Variants in ASIP observed in about 807,000 individuals in gnomAD.
The protein encoded by ASIP is agouti signaling protein, also known as agouti-signaling protein.
ASIP carries 11 observed loss-of-function variants against 10.3 expected under a neutral mutation model. That is an observed-to-expected ratio of 1.07 (90% CI 0.68 to 1.78). The LOEUF is 1.78. Ranked by LOEUF, ASIP falls within the 40% of genes most tolerant of loss-of-function variation. ASIP has a pLI of 0.00. For missense variants in ASIP, 180 were observed against 169.2 expected, an observed-to-expected ratio of 1.06 and a Z score of -0.35; for synonymous variants, 70 against 70.8, an observed-to-expected ratio of 0.99 and a Z score of 0.06.
rs375569949 is a variant in ASIP, at chr20:34,263,774, T to C, written c.222+881T>C. Among the ~76,000 whole-genome samples, 34 of 151,834 alleles carry C rather than the reference T, an allele frequency of 2.2e-4. No homozygotes were observed. The East Asian group carries it at 4.1e-3, about 18-fold the overall frequency. The stretch of plus-strand genomic sequence containing the variant: ...ACCTTCACCTGGCGAGTTCAAGCGA[T>C]TCTCATGCCTCAGCCTCCCGAGTAG... On this transcript the variant is annotated intron_variant, in intron 3 of 3. Coordinates refer to ENST00000374954, the MANE Select transcript of ASIP (RefSeq NM_001672.3).
intron 1 of ASIP, among the ~76,000 whole-genome samples, chr20:34,209,092 C>T (rs1568746928): frequency 6.6e-6 from 1 of 152,160 alleles, no homozygotes; most frequent in Non-Finnish European, 1.5e-5. Flanking sequence ...AATTTGGATG[C>T]CCTTTGTTTC....
At chr20:34,220,840 T>A (rs2035041610) in intron 1 of ASIP, among the ~76,000 whole-genome samples, 1 of 152,008 alleles carries the variant, frequency 6.6e-6, no homozygotes, top group African/African-American at 2.4e-5. Flanking sequence ...CCTGAACAAC[T>A]AAAGAGTGGT....
chr20:34,206,260 G>A (rs147866584), intron 1 of ASIP, among the ~76,000 whole-genome samples: 1 of 152,244 alleles, frequency 6.6e-6, no homozygotes, highest in East Asian at 1.9e-4. Context: ...GCCTCCCAAA[G>A]TCTGGGATTG....
chr20:34,214,417 G>A (rs1056155971), intron 1 of ASIP: 12 of 1,468,132 alleles, frequency 8.2e-6, no homozygotes, highest in Admixed American at 3.3e-5. Context: ...ACCAGAGTTC[G>A]CATCATACCC....
At chr20:34,202,965 C>T (rs1019601807) in intron 1 of ASIP, among the ~76,000 whole-genome samples, 27 of 151,900 alleles carry the variant, frequency 1.8e-4, no homozygotes, top group African/African-American at 4.6e-4. Context: ...CCCGCCACTA[C>T]GCCCGGCTAA....
intron 1 of ASIP, among the ~76,000 whole-genome samples, chr20:34,216,356 C>A (rs535923199): frequency 6.6e-6 from 1 of 152,212 alleles, no homozygotes; most frequent in South Asian, 2.1e-4. Context: ...GTGCGGGCGG[C>A]AGCCCGCGGG....
At chr20:34,203,928 G>T (rs2034917660) in intron 1 of ASIP, among the ~76,000 whole-genome samples, 1 of 152,044 alleles carries the variant, frequency 6.6e-6, no homozygotes, top group South Asian at 2.1e-4. Flanking sequence ...GTTTCACCAT[G>T]TTGGCCAGGC....
chr20:34,254,973 T>C (rs1423734095), intron 1 of ASIP, among the ~76,000 whole-genome samples: 1 of 152,186 alleles, frequency 6.6e-6, no homozygotes. Flanking sequence ...GTTGGTCTGT[T>C]TGTCTTAAAC....
chr20:34,215,026 G>T, intron 1 of ASIP: 1 of 1,463,830 alleles, frequency 6.8e-7, no homozygotes, highest in South Asian at 1.1e-5. Context: ...GGTCAATGCT[G>T]AAAAGAAGTC....
intron 1 of ASIP, among the ~76,000 whole-genome samples, chr20:34,206,381 C>G (rs943344771): frequency 3.3e-5 from 5 of 152,198 alleles, no homozygotes; most frequent in Admixed American, 3.3e-4. Flanking sequence ...AAACACCATT[C>G]CATTCACTAC....
At chr20:34,188,454 T>C in the ASIP span, among the ~76,000 whole-genome samples, 1 of 152,238 alleles carries the variant, frequency 6.6e-6, no homozygotes, top group Non-Finnish European at 1.5e-5. Context: ...TGGATTCATC[T>C]AGAAGAAAGT....
chr20:34,226,335 A>G (rs1384005011), intron 1 of ASIP, among the ~76,000 whole-genome samples: 1 of 152,010 alleles, frequency 6.6e-6, no homozygotes, highest in African/African-American at 2.4e-5. Context: ...AGAAAATTCA[A>G]CATTTATTCT....
At chr20:34,210,950 G>T (rs2034970711) in intron 1 of ASIP, among the ~76,000 whole-genome samples, 1 of 151,984 alleles carries the variant, frequency 6.6e-6, no homozygotes, top group South Asian at 2.1e-4. Context: ...GTTTGGGTAC[G>T]CTAATATTTT....
intron 1 of ASIP, among the ~76,000 whole-genome samples, chr20:34,205,489 G>A (rs1432094805): frequency 6.6e-6 from 1 of 151,476 alleles, no homozygotes; most frequent in Non-Finnish European, 1.5e-5. Flanking sequence ...TATAAAGGTA[G>A]TGCAGACCCA....
chr20:34,201,526 GA>G lies in ASIP; in HGVS notation c.-11+6767del, dbSNP rs1432437929. ...TCACATTGAAATGATACAAACATTT[GA>G]TGTAATAAAACCTTGTTGGCTTGAT... On this transcript the variant is annotated intron_variant, in intron 1 of 3. Transcript: ENST00000568305. Among the ~76,000 whole-genome samples, 6 of 152,246 alleles carry G rather than the reference GA, an allele frequency of 3.9e-5. No individual in the cohort carries two copies. In the East Asian group the frequency reaches 1.2e-3, roughly 29 times the overall value.
chr20:34,209,845 G>A (rs1463111178), intron 1 of ASIP, among the ~76,000 whole-genome samples: 2 of 152,312 alleles, frequency 1.3e-5, no homozygotes, highest in East Asian at 3.9e-4. Flanking sequence ...TGGGTAGAAG[G>A]GAGGGCCTGA....
chr20:34,203,249 A>G (rs1601570114), intron 1 of ASIP, among the ~76,000 whole-genome samples: 1 of 152,126 alleles, frequency 6.6e-6, no homozygotes, highest in Non-Finnish European at 1.5e-5. Flanking sequence ...TTTTTTATCC[A>G]TGAATATGGT....
intron 1 of ASIP, among the ~76,000 whole-genome samples, chr20:34,222,795 C>T (rs950746806): frequency 6.6e-6 from 1 of 152,016 alleles, no homozygotes; most frequent in South Asian, 2.1e-4. Context: ...CGCGCCGCCA[C>T]GCCTGACTGG....
chr20:34,244,321 A>G (rs1341032385), intron 1 of ASIP, among the ~76,000 whole-genome samples: 1 of 152,182 alleles, frequency 6.6e-6, no homozygotes, highest in East Asian at 1.9e-4. Context: ...TATTTCCAGG[A>G]CTACATCTTG....
Sources: allele counts gnomAD v4.1 joint callset (sites outside exome capture counted in the v4.1 genomes callset), GRCh38; gene constraint gnomAD v4.1.1; transcripts MANE v1.5; gene names NCBI Gene and HGNC (gene_info 2026-07-23, HGNC 2026-07-21).